POT1: variants seen among roughly 807,000 people sequenced by gnomAD.
The protein encoded by POT1 is protection of telomeres protein 1.
POT1 carries 47 observed loss-of-function variants against 78.5 expected under a neutral mutation model. The ratio of observed to expected loss-of-function variants is 0.60; its 90% CI spans 0.47 to 0.76. POT1 has a LOEUF of 0.76. POT1 is among the 30% of genes least tolerant of loss of function. POT1 has a pLI of 0.00. For missense variants in POT1, 646 were observed against 749.9 expected (o/e 0.86, Z 1.62); for synonymous variants, 259 against 260.7 (o/e 0.99, Z 0.06).
Position 124,835,199 on chromosome 7 carries a change from A to G in POT1, c.1505+80T>C, listed in dbSNP as rs1794860574. ...ATAGCACGTGTATACCTACGTAACAAACCTCCATGTTCAGCACATGACCCC... is the reference window on the plus strand; with the variant it reads ...ATAGCACGTGTATACCTACGTAACAGACCTCCATGTTCAGCACATGACCCC... On this transcript the variant is annotated intron_variant, in intron 15 of 18. Transcript: ENST00000357628. 1.2e-5 allele frequency: 18 copies of G among 1,531,470 alleles called. No homozygotes were observed. The South Asian group carries it at 2.0e-4, about 17-fold the overall frequency. The allele number at this position is 1,531,470 out of a possible 1,614,324, so 94.9% of individuals were successfully genotyped here. A position where few individuals can be genotyped will look rare whatever the true frequency, so the allele number is the denominator to read the frequency against.
intron 2 of POT1, among the ~76,000 whole-genome samples, chr7:124,919,658 A>G (rs1023855563): frequency 2.0e-5 from 3 of 152,158 alleles, no homozygotes; most frequent in African/African-American, 7.2e-5. Context: ...CGAGAAGGTG[A>G]GCATCTGCAA....
At chr7:124,826,212 A>G (rs1002822766) in intron 17 of POT1, among the ~76,000 whole-genome samples, 12 of 152,186 alleles carry the variant, frequency 7.9e-5, no homozygotes, top group African/African-American at 2.9e-4. Context: ...ATCTGGCAAT[A>G]TATTATGTAT....
At chr7:124,849,449 CT>C (rs1428603502) in intron 11 of POT1, among the ~76,000 whole-genome samples, 1 of 152,110 alleles carries the variant, frequency 6.6e-6, no homozygotes, top group Admixed American at 6.6e-5. Context: ...CACCTTTCAC[CT>C]GCTTAACTGT....
intron 9 of POT1, among the ~76,000 whole-genome samples, chr7:124,855,273 C>T (rs1037438389): frequency 7.1e-6 from 1 of 140,524 alleles, no homozygotes; most frequent in African/African-American, 2.6e-5. Flanking sequence ...AAAGAAGGTT[C>T]GATGTGTAGA....
chr7:124,851,066 G>A (rs1011010547), intron 11 of POT1, among the ~76,000 whole-genome samples: 1 of 152,076 alleles, frequency 6.6e-6, no homozygotes, highest in African/African-American at 2.4e-5. Flanking sequence ...GGGAGACCAG[G>A]AGGTCGAGAC....
rs1794554029 is a variant in POT1 at position 124,823,455 on chromosome 7, G to GT, written c.*506dup. 6.6e-6 allele frequency: 1 copy of GT among 151,990 alleles called. No homozygotes were observed. The highest frequency in any genetic ancestry group is 2.1e-4 in the South Asian group (1 of 4,830). The allele number at this position is 151,990 out of a possible 1,614,324, so 9.4% of individuals were successfully genotyped here. A position where few individuals can be genotyped will look rare whatever the true frequency, so the allele number is the denominator to read the frequency against. ...AAGTTAACATCTCATTCAATTAGTT[G>GT]TAAGTTGTAATAGCGGCATATTTTA... On this transcript the variant is annotated 3_prime_UTR_variant, in exon 19 of 19. Transcript: ENST00000357628.
chr7:124,887,346 TA>T (rs2116616330), intron 6 of POT1, among the ~76,000 whole-genome samples: 1 of 152,270 alleles, frequency 6.6e-6, no homozygotes, highest in East Asian at 1.9e-4. Flanking sequence ...TCTTCAGGCT[TA>T]GTATGAGGTT....
intron 3 of POT1, among the ~76,000 whole-genome samples, chr7:124,910,905 T>C (rs1287346309): frequency 6.6e-6 from 1 of 151,964 alleles, no homozygotes; most frequent in African/African-American, 2.4e-5. Flanking sequence ...TCAAATACAT[T>C]TTTAAATGTA....
At chr7:124,879,209 T>C (rs1267505987) in intron 6 of POT1, among the ~76,000 whole-genome samples, 1 of 152,090 alleles carries the variant, frequency 6.6e-6, no homozygotes, top group Non-Finnish European at 1.5e-5. Context: ...GGGAGGCAAA[T>C]TCAAAAGCTA....
intron 2 of POT1, among the ~76,000 whole-genome samples, chr7:124,919,323 A>G (rs1797091438): frequency 6.6e-6 from 1 of 152,156 alleles, no homozygotes; most frequent in Non-Finnish European, 1.5e-5. Context: ...CATAACTGTA[A>G]TAAGAGTCTG....
At chr7:124,857,953 G>A (rs1352775376) in intron 9 of POT1, among the ~76,000 whole-genome samples, 1 of 152,128 alleles carries the variant, frequency 6.6e-6, no homozygotes, top group Non-Finnish European at 1.5e-5. Context: ...ATGCTGCTGT[G>A]GGGCCAGTAC....
chr7:124,880,526 A>C (rs1458037608), intron 6 of POT1, among the ~76,000 whole-genome samples: 1 of 152,078 alleles, frequency 6.6e-6, no homozygotes, highest in Non-Finnish European at 1.5e-5. Flanking sequence ...AATATTGAAG[A>C]ATGTAATGAC....
Position 124,862,915 on chromosome 7 carries a change from T to C in POT1, c.546+435A>G, listed in dbSNP as rs147400767. 3.3e-5 allele frequency among the ~76,000 whole-genome samples: 5 copies of C among 152,168 alleles called. No homozygotes were observed. In the East Asian group the frequency reaches 9.6e-4, roughly 29 times the overall value. ...ATGCAAAATGCTTCAAAACTGTCCA[T>C]GGTATGACTATGAAGTAGGCAGTGA... On this transcript the variant is annotated intron_variant, in intron 8 of 18. Coordinates refer to ENST00000357628, the MANE Select transcript of POT1 (RefSeq NM_015450.3).
intron 11 of POT1, among the ~76,000 whole-genome samples, chr7:124,850,945 G>C (rs1795292684): frequency 6.6e-6 from 1 of 150,634 alleles, no homozygotes; most frequent in African/African-American, 2.4e-5. Flanking sequence ...ACATGACCTA[G>C]ATTCTAGGTC....
At chr7:124,888,493 A>G (rs1327699486) in intron 6 of POT1, among the ~76,000 whole-genome samples, 1 of 152,018 alleles carries the variant, frequency 6.6e-6, no homozygotes, top group Admixed American at 6.6e-5. Flanking sequence ...TTATTTTTCT[A>G]TAGAAAATGC....
At position 124,856,055 on chromosome 7, in the gene POT1, T is replaced by C. The variant is rs527554744; in HGVS notation, c.702+2902A>G. Among the ~76,000 whole-genome samples the C allele has an allele frequency of 7.9e-4, 120 of 152,270 alleles. 1 individual carries two copies. The highest frequency in any genetic ancestry group is 1.5e-3 in the Non-Finnish European group (101 of 67,960). On this transcript the variant is annotated intron_variant, in intron 9 of 18. Coordinates refer to ENST00000357628, the MANE Select transcript of POT1 (RefSeq NM_015450.3). ...GTTAAGGGCAATTCGGGCTCTAAAATACATTGCTTGTAGATGTTGATTATA... is the reference window on the plus strand; with the variant it reads ...GTTAAGGGCAATTCGGGCTCTAAAACACATTGCTTGTAGATGTTGATTATA...
chr7:124,885,467 GTC>G (rs980604631), intron 6 of POT1, among the ~76,000 whole-genome samples: 2 of 151,522 alleles, frequency 1.3e-5, no homozygotes, highest in Non-Finnish European at 2.9e-5. Context: ...GCAAGACCCT[GTC>G]TCTCTTAAAA....
At chr7:124,857,300 G>A (rs989669463) in intron 9 of POT1, among the ~76,000 whole-genome samples, 2 of 152,212 alleles carry the variant, frequency 1.3e-5, no homozygotes, top group East Asian at 1.9e-4. Flanking sequence ...AAGAGACATT[G>A]TGGATTCAAA....
intron 6 of POT1, among the ~76,000 whole-genome samples, chr7:124,890,265 G>A (rs2116624060): frequency 6.6e-6 from 1 of 152,032 alleles, no homozygotes; most frequent in South Asian, 2.1e-4. Context: ...CTGAAATTGT[G>A]ACTGAATTGG....
Sources: allele counts gnomAD v4.1 joint callset (sites outside exome capture counted in the v4.1 genomes callset), GRCh38; gene constraint gnomAD v4.1.1; transcripts MANE v1.5; gene names NCBI Gene and HGNC (gene_info 2026-07-23, HGNC 2026-07-21).